CDC26: variants seen among roughly 807,000 people sequenced by gnomAD.
CDC26 encodes the protein anaphase-promoting complex subunit CDC26.
CDC26 carries 2 observed loss-of-function variants against 8.0 expected under a neutral mutation model. The observed-to-expected ratio is 0.25, with a 90% CI of 0.10 to 0.79. The LOEUF is 0.79. Among genes scored for constraint, CDC26 ranks in the 30% least tolerant of loss-of-function variants. The probability of loss-of-function intolerance (pLI) is 0.70; values close to 1 mark genes in which losing one functional copy is unlikely to be tolerated. For missense variants in CDC26, 68 were observed against 106.0 expected, an observed-to-expected ratio of 0.64 and a Z score of 1.57; for synonymous variants, 19 against 34.9, an observed-to-expected ratio of 0.55 and a Z score of 1.60.
intron 3 of CDC26, among the ~76,000 whole-genome samples, chr9:113,270,944 G>A (rs1831946777): frequency 2.6e-5 from 4 of 152,192 alleles, no homozygotes. Flanking sequence ...TGCACTGAAA[G>A]AGACAAAAAT....
At chr9:113,275,068 CGCCGG>C (rs1221734976) in intron 1 of CDC26, among the ~76,000 whole-genome samples, 1 of 152,118 alleles carries the variant, frequency 6.6e-6, no homozygotes, top group Non-Finnish European at 1.5e-5. Flanking sequence ...GAAGCTCCTC[CGCCGG>C]GTCTTTATTT....
intron 3 of CDC26, among the ~76,000 whole-genome samples, chr9:113,271,700 G>A (rs1831959815): frequency 6.6e-6 from 1 of 152,180 alleles, no homozygotes; most frequent in African/African-American, 2.4e-5. Context: ...GAAGTTTGTG[G>A]TACTTTGTTA....
Position 113,267,046 on chromosome 9 carries a change from C to G in CDC26, c.*217G>C. 2.2e-6 allele frequency: 1 copy of G among 446,140 alleles called. No homozygotes were observed. The highest frequency in any genetic ancestry group is 3.9e-6 in the Non-Finnish European group (1 of 256,936). 27.6% of individuals were successfully genotyped at this position (446,140 alleles called of 1,614,324 possible). ...ATATTTATTTTTAAAAACAGAAAAT[C>G]AGATCAGTTTTATAGAGTCAAATTT... On this transcript the variant is annotated 3_prime_UTR_variant, in exon 4 of 4. Transcript: ENST00000374206.
intron 2 of CDC26, 120 bp from the exon 3 acceptor site, chr9:113,272,668 A>T: frequency 1.8e-6 from 1 of 561,402 alleles, no homozygotes; most frequent in Non-Finnish European, 3.2e-6. Flanking sequence ...ATTTATTTGA[A>T]TTTACACATA....
intron 3 of CDC26, 32 bp downstream of exon 3, chr9:113,272,395 C>A: frequency 6.6e-7 from 1 of 1,512,620 alleles, no homozygotes; most frequent in South Asian, 1.1e-5. Flanking sequence ...AGCGAGACTC[C>A]ATCTCAAAAA....
chr9:113,274,154 TAAA>T (rs1465720256), intron 1 of CDC26, among the ~76,000 whole-genome samples: 1 of 152,208 alleles, frequency 6.6e-6, no homozygotes, highest in African/African-American at 2.4e-5. Flanking sequence ...ATTTCACACA[TAAA>T]GAAGTCATCG....
At chr9:113,270,727 AAG>A (rs1259301618) in intron 3 of CDC26, among the ~76,000 whole-genome samples, 1 of 152,212 alleles carries the variant, frequency 6.6e-6, no homozygotes, top group African/African-American at 2.4e-5. Context: ...AAGGAAATGA[AAG>A]AGAGCCAATG....
At position 113,269,688 on chromosome 9, in the gene CDC26, T is replaced by C. The variant is rs145750364; in HGVS notation, c.82-2249A>G. ...CATGCTAGCATTTTATGAGATTCGT[T>C]ACAACTGAAGTTTAAGCCATACTTT... On this transcript the variant is annotated intron_variant, in intron 3 of 3. Transcript: ENST00000374206. Among the ~76,000 whole-genome samples the C allele has an allele frequency of 3.3e-4, 50 of 152,362 alleles. No homozygotes were observed. In the East Asian group the frequency reaches 7.7e-3, roughly 23 times the overall value.
chr9:113,275,321 C>T (rs558555669), intron 1 of CDC26, 61 bp downstream of exon 1: 2 of 167,470 alleles, frequency 1.2e-5, no homozygotes, highest in African/African-American at 4.7e-5. Flanking sequence ...CACAGCGGAC[C>T]CCGGAAGCCC....
intron 3 of CDC26, among the ~76,000 whole-genome samples, chr9:113,270,694 G>A (rs887124998): frequency 2.0e-5 from 3 of 152,182 alleles, no homozygotes; most frequent in Admixed American, 6.5e-5. Context: ...GTCCATGGAA[G>A]TGATAAATAG....
rs896130269 is a variant in CDC26, at chr9:113,275,543, C to T, written c.-313G>A. Reference sequence around the variant, plus strand: ...TCCTGGAGGTTCTAGGAGGGATGCCCCTCAATGCCACGACGCCATTTCCTA... The same window carrying T: ...TCCTGGAGGTTCTAGGAGGGATGCCTCTCAATGCCACGACGCCATTTCCTA... On this transcript the variant is annotated 5_prime_UTR_variant, in exon 1 of 4. Transcript: ENST00000374206. 3.6e-6 allele frequency: 2 copies of T among 550,622 alleles called. No individual in the cohort carries two copies. The highest frequency in any genetic ancestry group is 3.4e-5 in the Admixed American group (1 of 28,992). The allele number at this position is 550,622 out of a possible 1,614,324, so 34.1% of individuals were successfully genotyped here. A position where few individuals can be genotyped will look rare whatever the true frequency, so the allele number is the denominator to read the frequency against.
At chr9:113,271,063 T>A (rs1390701678) in intron 3 of CDC26, among the ~76,000 whole-genome samples, 1 of 152,150 alleles carries the variant, frequency 6.6e-6, no homozygotes, top group Non-Finnish European at 1.5e-5. Context: ...ATTCCAGACA[T>A]ATTCTGAAGG....
At chr9:113,272,856 T>A (rs1831981909) in intron 2 of CDC26, among the ~76,000 whole-genome samples, 1 of 152,104 alleles carries the variant, frequency 6.6e-6, no homozygotes, top group Admixed American at 6.6e-5. Flanking sequence ...CATACCTGGC[T>A]AATTTTTGTG....
At chr9:113,274,543 A>C (rs1387376428) in intron 1 of CDC26, among the ~76,000 whole-genome samples, 1 of 152,164 alleles carries the variant, frequency 6.6e-6, no homozygotes, top group African/African-American at 2.4e-5. Flanking sequence ...GGGGAAAAAA[A>C]AATCTATACA....
Position 113,267,275 on chromosome 9 carries a change from A to C in CDC26, c.246T>G (p.Ser82Arg). ...KPNNRSSQFG[S>R]LEF ...AGATAATCCATCTCTAAAATTCAAGACTTCCAAATTGAGATGAACGATTAT... is the reference window on the plus strand; with the variant it reads ...AGATAATCCATCTCTAAAATTCAAGCCTTCCAAATTGAGATGAACGATTAT... The change falls in exon 4 of 4, where the codon AGT (serine) becomes AGG (arginine). Residue 82 changes from serine (S) to arginine (R), a missense_variant. By Grantham distance (110) the Ser-to-Arg change is moderately radical. Transcript: ENST00000374206. 5 of 1,515,578 alleles carry C rather than the reference A, an allele frequency of 3.3e-6. No homozygotes were observed. The highest frequency in any genetic ancestry group is 3.6e-6 in the Non-Finnish European group (4 of 1,126,308). 93.9% of individuals were successfully genotyped at this position (1,515,578 alleles called of 1,614,324 possible). A position where few individuals can be genotyped will look rare whatever the true frequency, so the allele number is the denominator to read the frequency against.
At chr9:113,270,727 A>C (rs937417410) in intron 3 of CDC26, among the ~76,000 whole-genome samples, 2 of 152,212 alleles carry the variant, frequency 1.3e-5, no homozygotes, top group African/African-American at 2.4e-5. Context: ...AAGGAAATGA[A>C]AGAGAGCCAA....
At chr9:113,268,782 GTC>G (rs1218591517) in intron 3 of CDC26, among the ~76,000 whole-genome samples, 1 of 151,946 alleles carries the variant, frequency 6.6e-6, no homozygotes, top group Non-Finnish European at 1.5e-5. Flanking sequence ...TTTAGACTGA[GTC>G]TCTGTCTGTT....
At chr9:113,269,819 A>G (rs1831926157) in intron 3 of CDC26, among the ~76,000 whole-genome samples, 2 of 152,254 alleles carry the variant, frequency 1.3e-5, no homozygotes, top group South Asian at 2.1e-4. Flanking sequence ...AATCTAAGTT[A>G]TTAGTCTTAA....
At chr9:113,267,759 C>T (rs1056295758) in intron 3 of CDC26, among the ~76,000 whole-genome samples, 16 of 152,150 alleles carry the variant, frequency 1.1e-4, no homozygotes, top group Middle Eastern at 3.4e-3. Context: ...GAGGCTGAGG[C>T]GAGCGGATCA....
Sources: gnomAD v4.1 joint callset for allele counts (sites outside exome capture counted in the v4.1 genomes callset) on GRCh38, gnomAD v4.1.1 for gene constraint, MANE v1.5 for transcripts, NCBI Gene and HGNC (gene_info 2026-07-23, HGNC 2026-07-21) for gene names.